The following PHACTR2 variants were observed in gnomAD, a reference collection of about 807,000 sequenced individuals.
PHACTR2 encodes phosphatase and actin regulator 2, also known as chromosome 6 open reading frame 56.
Under a neutral mutation model 76.0 loss-of-function variants are expected in PHACTR2, and 30 were observed. The observed-to-expected ratio is 0.39, with a 90% confidence interval of 0.30 to 0.54. The LOEUF (loss-of-function observed/expected upper bound fraction) is 0.54, where lower values mean the gene tolerates loss of function less well. PHACTR2 is among the 20% of genes least tolerant of loss of function. PHACTR2 has a pLI of 0.61. For synonymous variants in PHACTR2, 292 were observed against 292.5 expected (o/e 1.00, Z 0.02); for missense variants, 696 against 781.1 (o/e 0.89, Z 1.30).
Position 143,731,742 on chromosome 6 carries a change from T to G in PHACTR2, c.215-17243T>G, listed in dbSNP as rs903942300. Among the ~76,000 whole-genome samples the G allele has an allele frequency of 6.6e-6, 1 of 152,228 alleles. No individual in the cohort carries two copies. Among genetic ancestry groups the G allele is most frequent in the Non-Finnish European group, 1.5e-5 (1 of 68,040 alleles). On this transcript the variant is annotated intron_variant, in intron 2 of 12. Coordinates refer to ENST00000440869, the MANE Select transcript of PHACTR2 (RefSeq NM_001100164.2). This position sits in a 1 kb window ranked among gnomAD's most constrained non-coding sequence, Gnocchi z 4.9. Reference sequence around the variant, plus strand: ...GCAACACCAACTTTATACAATCAGTTGGCAACTGTTCCCTCCTCTTCTGTT... The same window carrying G: ...GCAACACCAACTTTATACAATCAGTGGGCAACTGTTCCCTCCTCTTCTGTT...
At chr6:143,637,171 T>C (rs1046819543) in intron 1 of PHACTR2, among the ~76,000 whole-genome samples, 1 of 152,010 alleles carries the variant, frequency 6.6e-6, no homozygotes, top group African/African-American at 2.4e-5. Context: ...AAGCATGTGG[T>C]TCTTCTGAGG....
At chr6:143,797,500 T>C (rs559230561) in intron 11 of PHACTR2, among the ~76,000 whole-genome samples, 1 of 152,352 alleles carries the variant, frequency 6.6e-6, no homozygotes, top group South Asian at 2.1e-4. Context: ...GCCTATGTCC[T>C]GAATGGTATT....
rs1458284599 is a variant in PHACTR2, at chr6:143,623,402, C to G, written c.13+15080C>G. ...CCAGCCTGGCCAACATGGTGAAACC[C>G]TGTCTCTACTAAATATACAAAAATT... On this transcript the variant is annotated intron_variant, in intron 1 of 11. Coordinates refer to the PHACTR2 transcript ENST00000305766. This position sits in a 1 kb window ranked among gnomAD's most constrained non-coding sequence, Gnocchi z 5.9. 6.6e-6 allele frequency among the ~76,000 whole-genome samples: 1 copy of G among 152,054 alleles called. No homozygotes were observed. The highest frequency in any genetic ancestry group is 1.5e-5 in the Non-Finnish European group (1 of 68,002).
upstream of PHACTR2, chr6:143,608,048 C>T (rs1775906961): frequency 3.8e-6 from 2 of 529,350 alleles, no homozygotes; most frequent in South Asian, 2.6e-5. This position sits in a 1 kb window ranked among gnomAD's most constrained non-coding sequence, Gnocchi z 4.6. Context: ...TAGCTTAGAG[C>T]AGAGGTGGAA....
At chr6:143,725,198 C>CTTTTT (rs59963214) in intron 2 of PHACTR2, among the ~76,000 whole-genome samples, 1 of 61,802 alleles carries the variant, frequency 1.6e-5, no homozygotes, top group Non-Finnish European at 2.9e-5. Context: ...TTTGTGCTGT[C>CTTTTT]TTTTTTTTTT....
chr6:143,600,710 G>C (rs1299524476), intron 1 of PHACTR2, among the ~76,000 whole-genome samples: 1 of 152,172 alleles, frequency 6.6e-6, no homozygotes, highest in Non-Finnish European at 1.5e-5. Context: ...CAAGACTATT[G>C]AGTGCTATTG....
chr6:143,775,340 C>T lies in PHACTR2; in HGVS notation c.1589+1125C>T, dbSNP rs572512255. Among the ~76,000 whole-genome samples, 1 of 152,332 alleles carries T rather than the reference C, an allele frequency of 6.6e-6. No individual in the cohort carries two copies. The highest frequency in any genetic ancestry group is 2.4e-5 in the African/African-American group (1 of 41,578). ...GGGAATGTTTACCAGTGGTCTCTCT[C>T]GCTCTCGTCTTCTTAATTCAGCCCT... is the stretch of plus-strand genomic sequence containing the variant. On this transcript the variant is annotated intron_variant, in intron 8 of 12. Coordinates refer to ENST00000440869, the MANE Select transcript of PHACTR2 (RefSeq NM_001100164.2). This position sits in a 1 kb window ranked among gnomAD's most constrained non-coding sequence, Gnocchi z 4.4.
At position 143,782,015 on chromosome 6, in the gene PHACTR2, C is replaced by G. The variant is rs1440629857; in HGVS notation, c.1646-1204C>G. On this transcript the variant is annotated intron_variant, in intron 9 of 12. Transcript: ENST00000440869. This position sits in a 1 kb window ranked among gnomAD's most constrained non-coding sequence, Gnocchi z 4.6. The stretch of plus-strand genomic sequence containing the variant: ...ATTTAGCCTGTTCAACTAACAAATA[C>G]AGCTGTTGCAAATATTGAATACTGA... Among the ~76,000 whole-genome samples the G allele has an allele frequency of 3.9e-5, 6 of 152,170 alleles. No individual in the cohort carries two copies. Among genetic ancestry groups the G allele is most frequent in the African/African-American group, 1.4e-4 (6 of 41,442 alleles).
intron 4 of PHACTR2, among the ~76,000 whole-genome samples, chr6:143,756,714 AAG>A (rs1491259935): frequency 7.4e-6 from 1 of 135,764 alleles, no homozygotes; most frequent in Non-Finnish European, 1.6e-5. Context: ...AAAAAAAAAA[AAG>A]AGCAGAAAAA....
chr6:143,538,442 A>G (rs1184324495), intron 1 of PHACTR2, among the ~76,000 whole-genome samples: 1 of 152,238 alleles, frequency 6.6e-6, no homozygotes, highest in East Asian at 1.9e-4. Context: ...AGTTTCCACC[A>G]GTTGTCTGAT....
In PHACTR2 at chr6:143,658,431, A is replaced by G. The variant is rs1009085516; in HGVS notation, c.13+50109A>G. ...TTTTTCCCAACAGATTTTTTTCAAT[A>G]AAGTACAACCATGCATTGCTTAAAG... On this transcript the variant is annotated intron_variant, in intron 1 of 11. Transcript: ENST00000305766. This position sits in a 1 kb window ranked among gnomAD's most constrained non-coding sequence, Gnocchi z 4.1. Among the ~76,000 whole-genome samples, 2 of 152,164 alleles carry G rather than the reference A, an allele frequency of 1.3e-5. No homozygotes were observed. Among genetic ancestry groups the G allele is most frequent in the Non-Finnish European group, 2.9e-5 (2 of 68,028 alleles).
rs558753022 is a variant in PHACTR2, at chr6:143,731,508, A to G, written c.215-17477A>G. Reference sequence around the variant, plus strand: ...CTCCATGTTGGTCAGGCTGGTCTCGAACTCTGGACCTCAGGTGATCTGCCC... The same window carrying G: ...CTCCATGTTGGTCAGGCTGGTCTCGGACTCTGGACCTCAGGTGATCTGCCC... On this transcript the variant is annotated intron_variant, in intron 2 of 12. Coordinates refer to ENST00000440869, the MANE Select transcript of PHACTR2 (RefSeq NM_001100164.2). The surrounding 1 kb of genome is among the most constrained non-coding windows in gnomAD (Gnocchi z 4.9). 1.6e-4 allele frequency among the ~76,000 whole-genome samples: 24 copies of G among 152,228 alleles called. No homozygotes were observed. Among genetic ancestry groups the G allele is most frequent in the African/African-American group, 5.8e-4 (24 of 41,546 alleles).
At chr6:143,593,446 T>A (rs1048358011) in intron 1 of PHACTR2, among the ~76,000 whole-genome samples, 1 of 152,200 alleles carries the variant, frequency 6.6e-6, no homozygotes, top group African/African-American at 2.4e-5. Flanking sequence ...TCATTTCTGC[T>A]TCAAATAGTT....
intron 4 of PHACTR2, among the ~76,000 whole-genome samples, chr6:143,758,587 A>G (rs1485267970): frequency 4.6e-5 from 7 of 152,218 alleles, no homozygotes; most frequent in African/African-American, 2.4e-5. Flanking sequence ...GAGGGCCATT[A>G]CTATTAGTAT....
Position 143,661,315 on chromosome 6 carries a change from G to C in PHACTR2, c.14-50701G>C, listed in dbSNP as rs193022523. Among the ~76,000 whole-genome samples, 41 of 152,164 alleles carry C rather than the reference G, an allele frequency of 2.7e-4. No homozygotes were observed. In the East Asian group the frequency reaches 5.2e-3, roughly 19 times the overall value. ...GAAACAAATCACTGCATGTGTTACT[G>C]GTTCACAAGAAAACACTGTAACACA... On this transcript the variant is annotated intron_variant, in intron 1 of 11. Transcript: ENST00000305766.
chr6:143,620,266 T>C (rs1303654933), intron 1 of PHACTR2, among the ~76,000 whole-genome samples: 1 of 152,174 alleles, frequency 6.6e-6, no homozygotes, highest in Non-Finnish European at 1.5e-5. Flanking sequence ...AGGTGTCTCT[T>C]ATACTAACAG....
chr6:143,748,496 T>C (rs1490299827), intron 2 of PHACTR2, among the ~76,000 whole-genome samples: 1 of 152,158 alleles, frequency 6.6e-6, no homozygotes, highest in East Asian at 1.9e-4. Context: ...GTGTTGGGCT[T>C]TTGTAATAGA....
intron 1 of PHACTR2, among the ~76,000 whole-genome samples, chr6:143,555,699 T>C (rs1355471255): frequency 6.6e-6 from 1 of 152,162 alleles, no homozygotes; most frequent in Non-Finnish European, 1.5e-5. Flanking sequence ...GGTGTCAAAA[T>C]TCCCTTAATC....
Position 143,547,708 on chromosome 6 carries a change from A to G in PHACTR2, c.217+10501A>G, listed in dbSNP as rs1775027956. ...TGAAGGAAAAGGGGTTTGTTTGTCT[A>G]TTTGTTAACAAGAGCAGCCATTAAC... On this transcript the variant is annotated intron_variant, in intron 1 of 11. Coordinates refer to the PHACTR2 transcript ENST00000367584. This position sits in a 1 kb window ranked among gnomAD's most constrained non-coding sequence, Gnocchi z 4.2. Among the ~76,000 whole-genome samples the G allele has an allele frequency of 6.6e-6, 1 of 152,200 alleles. No homozygotes were observed. The highest frequency in any genetic ancestry group is 1.5e-5 in the Non-Finnish European group (1 of 68,040).
Sources: allele counts gnomAD v4.1 joint callset (sites outside exome capture counted in the v4.1 genomes callset), GRCh38; gene constraint gnomAD v4.1.1; non-coding constraint Gnocchi (gnomAD v3.1); transcripts MANE v1.5; gene names NCBI Gene and HGNC (gene_info 2026-07-23, HGNC 2026-07-21).